The following SPAST variants were observed in gnomAD, a reference collection of about 807,000 sequenced individuals.
SPAST encodes the protein spastic paraplegia 4 (autosomal dominant; spastin).
A neutral mutation model predicts 76.6 loss-of-function variants in SPAST; 30 were observed. The observed-to-expected ratio is 0.39, with a 90% CI of 0.29 to 0.53. The LOEUF (loss-of-function observed/expected upper bound fraction) is 0.53, where lower values mean the gene tolerates loss of function less well. SPAST is among the 20% of genes least tolerant of loss of function. SPAST has a pLI of 0.68. For synonymous variants in SPAST, 305 were observed against 281.0 expected, an observed-to-expected ratio of 1.09 and a Z score of -0.86; for missense variants, 717 against 770.5, an observed-to-expected ratio of 0.93 and a Z score of 0.82.
chr2:32,078,545 A>G lies in SPAST; in HGVS notation c.416-8947A>G, dbSNP rs547871347. Among the ~76,000 whole-genome samples, 3 of 152,258 alleles carry G rather than the reference A, an allele frequency of 2.0e-5. No homozygotes were observed. The East Asian group carries it at 5.8e-4, about 29-fold the overall frequency. ...CATGTCTCTAGTCCCAGCTACTCAG[A>G]AGGCTGAAGTGAAAGGATTGCTTGA... On this transcript the variant is annotated intron_variant, in intron 1 of 16. Transcript: ENST00000315285.
At chr2:32,093,924 A>G (rs571316069) in intron 3 of SPAST, among the ~76,000 whole-genome samples, 1 of 152,288 alleles carries the variant, frequency 6.6e-6, no homozygotes, top group East Asian at 1.9e-4. Context: ...AAGGTTCACT[A>G]TCACTAAACC....
At chr2:32,085,205 C>CTTTTTTTTTTTTTTTT (rs11399879) in intron 1 of SPAST, among the ~76,000 whole-genome samples, 6 of 119,744 alleles carry the variant, frequency 5.0e-5, no homozygotes, top group South Asian at 2.6e-4. Flanking sequence ...TCTTCTTCTT[C>CTTTTTTTTTTTTTTTT]TTTTTTTTTT....
At chr2:32,122,563 C>G (rs1679056037) in intron 7 of SPAST, among the ~76,000 whole-genome samples, 1 of 152,076 alleles carries the variant, frequency 6.6e-6, no homozygotes, top group African/African-American at 2.4e-5. Flanking sequence ...CTCAGGTGAT[C>G]CACCTGCCTT....
chr2:32,096,453 T>C (rs534913858), intron 3 of SPAST, among the ~76,000 whole-genome samples: 5 of 152,094 alleles, frequency 3.3e-5, no homozygotes, highest in Middle Eastern at 3.4e-3. Flanking sequence ...AGAAAAAATA[T>C]TGGAGCAGTT....
intron 3 of SPAST, among the ~76,000 whole-genome samples, chr2:32,091,590 T>C (rs1355206314): frequency 6.8e-6 from 1 of 146,488 alleles, no homozygotes; most frequent in Non-Finnish European, 1.5e-5. Context: ...CCCAGCACTT[T>C]GGGAGGCCGA....
intron 3 of SPAST, among the ~76,000 whole-genome samples, chr2:32,091,034 C>T (rs998052789): frequency 6.6e-6 from 1 of 151,410 alleles, no homozygotes; most frequent in South Asian, 2.1e-4. Context: ...TGTTTGATGG[C>T]GTAGGTTTTA....
chr2:32,110,586 A>G (rs1010680891), intron 4 of SPAST, among the ~76,000 whole-genome samples: 3 of 134,512 alleles, frequency 2.2e-5, no homozygotes, highest in Non-Finnish European at 4.6e-5. Context: ...TATATAGTGT[A>G]TATATCGTAT....
chr2:32,147,595 G>A (rs1239177722), intron 16 of SPAST, among the ~76,000 whole-genome samples: 1 of 151,776 alleles, frequency 6.6e-6, no homozygotes, highest in African/African-American at 2.4e-5. Flanking sequence ...GGGATTACAG[G>A]CTTGAGCCGC....
rs769680370 is a variant in SPAST at position 32,063,870 on chromosome 2, C to T, written c.39C>T (p.Ser13=). ...SPGGRGKKKG[S]GGASNPVPPR... Reference sequence around the variant, plus strand: ...GTGGACGAGGGAAGAAGAAAGGCTCCGGCGGCGCCAGCAACCCGGTGCCTC... The same window carrying T: ...GTGGACGAGGGAAGAAGAAAGGCTCTGGCGGCGCCAGCAACCCGGTGCCTC... Residue 13 remains serine (S), a synonymous_variant, in exon 1 of 17, where the codon TCC becomes TCT. Transcript: ENST00000315285. 60 of 1,585,328 alleles carry T rather than the reference C, an allele frequency of 3.8e-5. 1 individual carries two copies. The South Asian group carries it at 6.0e-4, about 16-fold the overall frequency.
At chr2:32,070,134 C>G (rs1043365382) in intron 1 of SPAST, among the ~76,000 whole-genome samples, 1 of 150,532 alleles carries the variant, frequency 6.6e-6, no homozygotes, top group Non-Finnish European at 1.5e-5. Flanking sequence ...GGCGCAATCT[C>G]GGTTCACTGT....
intron 1 of SPAST, among the ~76,000 whole-genome samples, chr2:32,083,776 A>ATATATATATATATAT (rs1553398791): frequency 2.2e-5 from 1 of 46,090 alleles, no homozygotes; most frequent in Non-Finnish European, 3.7e-5. Flanking sequence ...ATATATATAT[A>ATATATATATATATAT]TTTTTTTTTT....
In SPAST at chr2:32,073,925, G is replaced by A. The variant is rs548658380; in HGVS notation, c.415+9679G>A. 2.9e-3 allele frequency among the ~76,000 whole-genome samples: 442 copies of A among 152,258 alleles called. 3 individuals carry two copies. Among genetic ancestry groups the A allele is most frequent in the Non-Finnish European group, 4.1e-3 (276 of 68,018 alleles). The stretch of plus-strand genomic sequence containing the variant: ...ATAACTTTTCTGCTCTTCTGCAGAG[G>A]GAGAGAATTAACTTCATAAGTGGGC... On this transcript the variant is annotated intron_variant, in intron 1 of 16. Transcript: ENST00000315285.
intron 1 of SPAST, 70 bp downstream of exon 1, chr2:32,064,316 A>T: frequency 7.7e-7 from 1 of 1,295,496 alleles, no homozygotes; most frequent in Non-Finnish European, 1.1e-6. Context: ...GGGGAGGGCA[A>T]CACCTGCGTC....
At chr2:32,105,347 A>G (rs948164148) in intron 4 of SPAST, among the ~76,000 whole-genome samples, 11 of 152,028 alleles carry the variant, frequency 7.2e-5, no homozygotes, top group African/African-American at 2.4e-4. Flanking sequence ...CTAGTTAGCC[A>G]TTTGTCTAAT....
At chr2:32,098,546 C>T (rs1380700793) in intron 3 of SPAST, among the ~76,000 whole-genome samples, 2 of 152,278 alleles carry the variant, frequency 1.3e-5, no homozygotes, top group Non-Finnish European at 2.9e-5. Context: ...CTAACTACCT[C>T]AGGTTACCTA....
chr2:32,083,703 AT>A (rs1228585352), intron 1 of SPAST, among the ~76,000 whole-genome samples: 1 of 128,244 alleles, frequency 7.8e-6, no homozygotes, highest in East Asian at 2.2e-4. Context: ...GAGTATATAT[AT>A]TTTTATACTA....
At chr2:32,133,319 G>A (rs925420139) in intron 9 of SPAST, among the ~76,000 whole-genome samples, 12 of 152,094 alleles carry the variant, frequency 7.9e-5, no homozygotes, top group South Asian at 2.1e-4. Context: ...ACCACAAAGC[G>A]AATATACTTT....
chr2:32,137,070 C>T, intron 11 of SPAST, 39 bp from the exon 12 acceptor site: 1 of 1,580,642 alleles, frequency 6.3e-7, no homozygotes, highest in South Asian at 1.1e-5. Flanking sequence ...TTTGTTATTA[C>T]TTTTCTAAAT....
Position 32,141,901 on chromosome 2 carries a change from T to C in SPAST, c.1494-3T>C. ...TCTAAAAGTGCTGGATTTTTTTTTT[T>C]AGGCGTTTCATCAAACGGGTATATG... On this transcript the variant is annotated splice_polypyrimidine_tract_variant and splice_region_variant and intron_variant, in intron 12 of 16. Coordinates refer to ENST00000315285, the MANE Select transcript of SPAST (RefSeq NM_014946.4). The C allele has an allele frequency of 6.2e-7, 1 of 1,609,116 alleles. No homozygotes were observed.
Sources: gnomAD v4.1 joint callset for allele counts (sites outside exome capture counted in the v4.1 genomes callset) on GRCh38, gnomAD v4.1.1 for gene constraint, MANE v1.5 for transcripts, NCBI Gene and HGNC (gene_info 2026-07-23, HGNC 2026-07-21) for gene names.